The following KLHL1 variants were observed in gnomAD, a reference collection of about 807,000 sequenced individuals.
KLHL1 encodes kelch-like protein 1.
A neutral mutation model predicts 77.7 loss-of-function variants in KLHL1; 47 were observed. The observed-to-expected ratio is 0.60, with a 90% CI of 0.48 to 0.77. The LOEUF (loss-of-function observed/expected upper bound fraction) is 0.77, where lower values mean the gene tolerates loss of function less well. Among genes scored for constraint, KLHL1 ranks in the 30% least tolerant of loss-of-function variants. The pLI, the probability that KLHL1 is intolerant of heterozygous loss-of-function variation, is 0.00. For missense variants in KLHL1, 925 were observed against 910.8 expected (o/e 1.02, Z -0.20); for synonymous variants, 360 against 325.2 (o/e 1.11, Z -1.15).
At chr13:69,784,904 T>TTTTG (rs1876434578) in intron 7 of KLHL1, among the ~76,000 whole-genome samples, 1 of 141,216 alleles carries the variant, frequency 7.1e-6, no homozygotes, top group Non-Finnish European at 1.5e-5. Flanking sequence ...TTTTTTTTTT[T>TTTTG]TTTGAGACAG....
At chr13:69,907,933 A>G (rs1452687684) in intron 4 of KLHL1, among the ~76,000 whole-genome samples, 1 of 152,080 alleles carries the variant, frequency 6.6e-6, no homozygotes, top group African/African-American at 2.4e-5. Flanking sequence ...GAAAAGGGAG[A>G]ATCTATTTCA....
chr13:69,837,380 A>G (rs1038714301), intron 6 of KLHL1, among the ~76,000 whole-genome samples: 24 of 151,536 alleles, frequency 1.6e-4, no homozygotes, highest in Non-Finnish European at 5.9e-5. Context: ...GCAATTTGAA[A>G]TGTCTTTCAA....
At chr13:69,848,263 G>A (rs1281995372) in intron 5 of KLHL1, among the ~76,000 whole-genome samples, 1 of 151,498 alleles carries the variant, frequency 6.6e-6, no homozygotes, top group Non-Finnish European at 1.5e-5. Context: ...GTATGAGACA[G>A]TTTGTTCACC....
At chr13:69,822,955 C>CTG (rs202011548) in intron 6 of KLHL1, among the ~76,000 whole-genome samples, 2,199 of 152,122 alleles carry the variant, frequency 0.014, 52 homozygotes, top group African/African-American at 0.049. Context: ...GTTTTTATAA[C>CTG]AACTTATTTT....
chr13:69,753,943 C>A (rs1170903509), intron 7 of KLHL1, among the ~76,000 whole-genome samples: 1 of 152,026 alleles, frequency 6.6e-6, no homozygotes, highest in Non-Finnish European at 1.5e-5. Flanking sequence ...CTCAGGTGAT[C>A]TTCCCACTTC....
chr13:69,876,809 G>A (rs569927379), intron 5 of KLHL1, among the ~76,000 whole-genome samples: 16 of 152,246 alleles, frequency 1.1e-4, no homozygotes, highest in East Asian at 3.9e-4. Flanking sequence ...AGGCCGAGGC[G>A]GGTGGATCAC....
At chr13:69,723,943 T>C (rs928740464) in intron 8 of KLHL1, among the ~76,000 whole-genome samples, 2 of 151,684 alleles carry the variant, frequency 1.3e-5, no homozygotes, top group Non-Finnish European at 2.9e-5. Flanking sequence ...GTTCAAGTGA[T>C]TCTCCTGCCT....
chr13:69,784,240 G>T (rs1451542248), intron 7 of KLHL1, among the ~76,000 whole-genome samples: 1 of 152,156 alleles, frequency 6.6e-6, no homozygotes, highest in African/African-American at 2.4e-5. Context: ...ATGCCAAAAT[G>T]TAAAGACCAT....
intron 2 of KLHL1, among the ~76,000 whole-genome samples, chr13:69,967,604 C>G (rs1884251484): frequency 6.6e-6 from 1 of 152,106 alleles, no homozygotes; most frequent in South Asian, 2.1e-4. Context: ...ATTACACAAC[C>G]TGGTGGGGCG....
intron 4 of KLHL1, among the ~76,000 whole-genome samples, chr13:69,916,114 A>T (rs1213056349): frequency 6.6e-6 from 1 of 152,116 alleles, no homozygotes; most frequent in Non-Finnish European, 1.5e-5. Flanking sequence ...GGTTGTGGAG[A>T]AATAGGAACA....
chr13:70,090,491 G>C (rs138112528), intron 1 of KLHL1, among the ~76,000 whole-genome samples: 1,582 of 151,524 alleles, frequency 0.01, 12 homozygotes, highest in Non-Finnish European at 0.017. Flanking sequence ...AAAAAACAGA[G>C]AAGTTAAGAG....
chr13:69,715,826 A>G (rs1284855327), intron 9 of KLHL1, among the ~76,000 whole-genome samples: 1 of 152,148 alleles, frequency 6.6e-6, no homozygotes, highest in East Asian at 1.9e-4. Flanking sequence ...AGGAAGGGGA[A>G]GGGAGAAGAA....
intron 9 of KLHL1, among the ~76,000 whole-genome samples, chr13:69,713,830 T>C (rs1409291035): frequency 1.3e-5 from 2 of 152,118 alleles, no homozygotes; most frequent in Non-Finnish European, 2.9e-5. Context: ...CTACCAAATT[T>C]TACAATATTC....
At chr13:70,016,851 C>A (rs1271296186) in intron 1 of KLHL1, among the ~76,000 whole-genome samples, 2 of 152,016 alleles carry the variant, frequency 1.3e-5, no homozygotes, top group Non-Finnish European at 2.9e-5. Context: ...TCCAGGTCCA[C>A]CCATGGCCAC....
In KLHL1 at chr13:70,083,512, G is replaced by A. The variant is rs185958368; in HGVS notation, c.497+23691C>T. Among the ~76,000 whole-genome samples the A allele has an allele frequency of 2.0e-3, 302 of 152,230 alleles. 2 individuals are homozygous for A. The highest frequency in any genetic ancestry group is 7.1e-3 in the African/African-American group (297 of 41,544). Reference sequence around the variant, plus strand: ...TGAGATACTTATTAATTTTAGACTAGTGATATACTTATTAATTTTAGACTT... The same window carrying A: ...TGAGATACTTATTAATTTTAGACTAATGATATACTTATTAATTTTAGACTT... On this transcript the variant is annotated intron_variant, in intron 1 of 10. Transcript: ENST00000377844.
intron 2 of KLHL1, among the ~76,000 whole-genome samples, chr13:69,969,251 T>A (rs2137282079): frequency 6.6e-6 from 1 of 152,232 alleles, no homozygotes; most frequent in South Asian, 2.1e-4. Flanking sequence ...ATTTTATTAA[T>A]ATTAATGCTG....
At chr13:70,008,831 AAATT>A (rs1885464395) in intron 1 of KLHL1, among the ~76,000 whole-genome samples, 3 of 152,260 alleles carry the variant, frequency 2.0e-5, no homozygotes, top group East Asian at 1.9e-4. Context: ...TGATGTGATC[AAATT>A]AATTAATTTT....
intron 9 of KLHL1, among the ~76,000 whole-genome samples, chr13:69,714,070 T>TC (rs1360763910): frequency 6.6e-6 from 1 of 152,060 alleles, no homozygotes; most frequent in Non-Finnish European, 1.5e-5. Context: ...ACTTTTTAAA[T>TC]CCCCTCCTTA....
chr13:69,817,051 G>A (rs961046747), intron 6 of KLHL1, among the ~76,000 whole-genome samples: 10 of 151,876 alleles, frequency 6.6e-5, no homozygotes, highest in African/African-American at 1.9e-4. Context: ...ACTATTTTAC[G>A]TTTTCATCTT....
Sources: gnomAD v4.1 joint callset for allele counts (sites outside exome capture counted in the v4.1 genomes callset) on GRCh38, gnomAD v4.1.1 for gene constraint, MANE v1.5 for transcripts, NCBI Gene and HGNC (gene_info 2026-07-23, HGNC 2026-07-21) for gene names.